CFAP299: variants seen among roughly 807,000 people sequenced by gnomAD.
The protein encoded by CFAP299 is cilia- and flagella-associated protein 299.
Under a neutral mutation model 27.0 loss-of-function variants are expected in CFAP299, and 21 were observed. That is an observed-to-expected ratio of 0.78 (90% CI 0.55 to 1.12). The LOEUF is 1.12. CFAP299 is among the 50% of genes most tolerant of loss of function. The pLI is 0.00. For missense variants in CFAP299, 310 were observed against 276.6 expected (o/e 1.12, Z -0.86); for synonymous variants, 104 against 98.1 (o/e 1.06, Z -0.36).
At chr4:80,559,435 C>T (rs1487307216) in intron 2 of CFAP299, among the ~76,000 whole-genome samples, 1 of 152,110 alleles carries the variant, frequency 6.6e-6, no homozygotes, top group East Asian at 1.9e-4. Flanking sequence ...GAATATAAGG[C>T]TTCACCCATA....
intron 4 of CFAP299, among the ~76,000 whole-genome samples, chr4:80,923,561 T>C (rs749145746): frequency 9.2e-5 from 14 of 152,066 alleles, no homozygotes; most frequent in Non-Finnish European, 2.1e-4. Flanking sequence ...TATCCATAAC[T>C]CTACATCCTA....
At chr4:80,367,696 C>T (rs1254702633) in intron 2 of CFAP299, among the ~76,000 whole-genome samples, 3 of 152,188 alleles carry the variant, frequency 2.0e-5, no homozygotes, top group African/African-American at 7.2e-5. Context: ...TTCTTCTCCA[C>T]TGAGATTCAT....
At chr4:80,944,371 G>A (rs1193854852) in intron 4 of CFAP299, among the ~76,000 whole-genome samples, 2 of 152,032 alleles carry the variant, frequency 1.3e-5, no homozygotes, top group African/African-American at 4.8e-5. Context: ...ACATATTATT[G>A]AGGAAAAAAA....
chr4:80,697,291 T>C lies in CFAP299; in HGVS notation c.333+114108T>C, dbSNP rs551796927. ...TAAAGGGTTGAATATTTTTATAGGATATAAACCTATCTTTAACCTATCTTA... is the reference window on the plus strand; with the variant it reads ...TAAAGGGTTGAATATTTTTATAGGACATAAACCTATCTTTAACCTATCTTA... On this transcript the variant is annotated intron_variant, in intron 3 of 5. Coordinates refer to ENST00000358105, the MANE Select transcript of CFAP299 (RefSeq NM_152770.3). Among the ~76,000 whole-genome samples the C allele has an allele frequency of 5.6e-4, 86 of 152,316 alleles. 1 individual carries two copies. Among genetic ancestry groups the C allele is most frequent in the African/African-American group, 1.9e-3 (78 of 41,560 alleles).
chr4:80,357,808 A>AT (rs566287307), intron 1 of CFAP299, among the ~76,000 whole-genome samples: 54 of 151,284 alleles, frequency 3.6e-4, no homozygotes, highest in Admixed American at 7.9e-4. Flanking sequence ...GATCTTTTGA[A>AT]TTTTTTTTGT....
At chr4:80,595,923 A>T (rs1281926803) in intron 3 of CFAP299, among the ~76,000 whole-genome samples, 1 of 152,248 alleles carries the variant, frequency 6.6e-6, no homozygotes, top group East Asian at 1.9e-4. Flanking sequence ...TGGATTTGAC[A>T]GTGCGTGCAA....
At chr4:80,408,254 T>C (rs536553990) in intron 2 of CFAP299, among the ~76,000 whole-genome samples, 1 of 152,322 alleles carries the variant, frequency 6.6e-6, no homozygotes, top group Non-Finnish European at 1.5e-5. Flanking sequence ...TAATAAAATA[T>C]CTTTTGACTC....
Position 80,368,145 on chromosome 4 carries a change from GC to G in CFAP299, c.242+5264del, listed in dbSNP as rs1237612337. On this transcript the variant is annotated intron_variant, in intron 2 of 5. Transcript: ENST00000358105. The stretch of plus-strand genomic sequence containing the variant: ...ATGCAGATGATCGGAATAAGTGGTA[GC>G]CCTGATGGATTCTGTCATTGTACTG... 2.0e-5 allele frequency among the ~76,000 whole-genome samples: 3 copies of G among 152,338 alleles called. No homozygotes were observed. The East Asian group carries it at 5.8e-4, about 29-fold the overall frequency.
intron 2 of CFAP299, among the ~76,000 whole-genome samples, chr4:80,476,320 A>T (rs990672463): frequency 1.3e-5 from 2 of 152,192 alleles, no homozygotes; most frequent in African/African-American, 2.4e-5. Flanking sequence ...TTGTGTGTGC[A>T]CAGGGTACAC....
chr4:80,637,701 G>C (rs1018380484), intron 3 of CFAP299, among the ~76,000 whole-genome samples: 3 of 152,098 alleles, frequency 2.0e-5, no homozygotes, highest in African/African-American at 7.2e-5. Context: ...CATAGAAAAG[G>C]ACCTAACAGA....
chr4:80,811,080 T>G (rs1729129342), intron 3 of CFAP299, among the ~76,000 whole-genome samples: 1 of 152,130 alleles, frequency 6.6e-6, no homozygotes, highest in African/African-American at 2.4e-5. Context: ...TAGGTTATTA[T>G]AAATGCCAGT....
At chr4:80,911,436 A>C (rs952251302) in intron 4 of CFAP299, among the ~76,000 whole-genome samples, 4 of 152,162 alleles carry the variant, frequency 2.6e-5, no homozygotes, top group African/African-American at 9.7e-5. Context: ...AACGAGCATC[A>C]AAATCTTTTC....
chr4:80,683,971 C>G lies in CFAP299; in HGVS notation c.333+100788C>G, dbSNP rs189696042. 1.3e-3 allele frequency among the ~76,000 whole-genome samples: 197 copies of G among 152,174 alleles called. 1 individual carries two copies. Among genetic ancestry groups the G allele is most frequent in the African/African-American group, 4.5e-3 (187 of 41,516 alleles). ...ATATCTTATTATTTGGCAGATAATTCCATTTCTAAAACTTTCAGGATCTTA... is the reference window on the plus strand; with the variant it reads ...ATATCTTATTATTTGGCAGATAATTGCATTTCTAAAACTTTCAGGATCTTA... On this transcript the variant is annotated intron_variant, in intron 3 of 5. Coordinates refer to ENST00000358105, the MANE Select transcript of CFAP299 (RefSeq NM_152770.3).
intron 3 of CFAP299, among the ~76,000 whole-genome samples, chr4:80,620,210 A>C (rs778819446): frequency 6.6e-6 from 1 of 152,160 alleles, no homozygotes; most frequent in Non-Finnish European, 1.5e-5. Context: ...AAGTCTGTGC[A>C]GTGGATTTAT....
At chr4:80,630,367 A>C (rs1399042789) in intron 3 of CFAP299, among the ~76,000 whole-genome samples, 2 of 152,166 alleles carry the variant, frequency 1.3e-5, no homozygotes, top group African/African-American at 4.8e-5. Flanking sequence ...TTATCAGAAA[A>C]GTCTTACCTT....
At chr4:80,918,695 A>G (rs1222366753) in intron 4 of CFAP299, among the ~76,000 whole-genome samples, 5 of 151,976 alleles carry the variant, frequency 3.3e-5, no homozygotes. Flanking sequence ...CTCTTCCCCA[A>G]CTCTAATGGT....
At chr4:80,626,187 A>T (rs1738892001) in intron 3 of CFAP299, among the ~76,000 whole-genome samples, 1 of 152,006 alleles carries the variant, frequency 6.6e-6, no homozygotes, top group South Asian at 2.1e-4. Flanking sequence ...AATCATATCA[A>T]GTAGCTATTC....
intron 2 of CFAP299, among the ~76,000 whole-genome samples, chr4:80,485,459 A>C (rs993513115): frequency 6.6e-6 from 1 of 151,950 alleles, no homozygotes; most frequent in African/African-American, 2.4e-5. Flanking sequence ...ACATGTGTGG[A>C]CTTTGTTATG....
At chr4:80,718,831 G>A (rs185046348) in intron 3 of CFAP299, among the ~76,000 whole-genome samples, 28 of 152,122 alleles carry the variant, frequency 1.8e-4, no homozygotes, top group Non-Finnish European at 3.2e-4. Context: ...CTACATTTTA[G>A]GACCAATGAC....
Sources: allele counts gnomAD v4.1 joint callset (sites outside exome capture counted in the v4.1 genomes callset), GRCh38; gene constraint gnomAD v4.1.1; transcripts MANE v1.5; gene names NCBI Gene and HGNC (gene_info 2026-07-23, HGNC 2026-07-21).